Variants in FAM184B observed in about 807,000 individuals in gnomAD.
FAM184B encodes family with sequence similarity 184 member B, also known as protein FAM184B.
In FAM184B, 111 loss-of-function variants were observed where a neutral mutation model predicts 135.9. The ratio of observed to expected loss-of-function variants is 0.82; its 90% CI spans 0.70 to 0.96. The LOEUF is 0.96. Among genes scored for constraint, FAM184B ranks in the 40% least tolerant of loss-of-function variants. FAM184B has a pLI of 0.00. For synonymous variants in FAM184B, 552 were observed against 524.8 expected (o/e 1.05, Z -0.71); for missense variants, 1,375 against 1,323.9 (o/e 1.04, Z -0.60).
At position 17,781,532 on chromosome 4, in the gene FAM184B, G is replaced by A; in HGVS notation, c.-233C>T. On this transcript the variant is annotated 5_prime_UTR_variant, in exon 1 of 18. Coordinates refer to ENST00000265018, the MANE Select transcript of FAM184B (RefSeq NM_015688.2). The surrounding 1 kb of genome is among the most constrained non-coding windows in gnomAD (Gnocchi z 6.5). ...TGGTTCTCTGGCTGGCTGGCTCCGCGGGCACCCGCACCCTGCGGCGAGGCG... is the reference window on the plus strand; with the variant it reads ...TGGTTCTCTGGCTGGCTGGCTCCGCAGGCACCCGCACCCTGCGGCGAGGCG... 3 of 469,572 alleles carry A rather than the reference G, an allele frequency of 6.4e-6. No individual in the cohort carries two copies. The highest frequency in any genetic ancestry group is 1.1e-5 in the Non-Finnish European group (3 of 275,992). 29.1% of individuals were successfully genotyped at this position (469,572 alleles called of 1,614,324 possible).
chr4:17,671,294 G>A (rs1304427767), intron 7 of FAM184B, among the ~76,000 whole-genome samples: 2 of 152,148 alleles, frequency 1.3e-5, no homozygotes, highest in East Asian at 3.9e-4. Flanking sequence ...TTCTAAGGGG[G>A]ATGTCCCTAG....
chr4:17,634,560 G>A (rs1396443321), intron 16 of FAM184B, among the ~76,000 whole-genome samples: 5 of 152,172 alleles, frequency 3.3e-5, no homozygotes, highest in African/African-American at 1.2e-4. Context: ...CTGACCTCAA[G>A]TGATCCACCC....
At chr4:17,685,532 C>T (rs1347703343) in intron 7 of FAM184B, among the ~76,000 whole-genome samples, 2 of 126,266 alleles carry the variant, frequency 1.6e-5, no homozygotes, top group Admixed American at 1.9e-4. Flanking sequence ...CTGGGTGACA[C>T]TGGGTGACAA....
At position 17,658,428 on chromosome 4, in the gene FAM184B, G is replaced by A. The variant is rs2302392; in HGVS notation, c.1959C>T (p.His653=). The A allele has an allele frequency of 0.019, 28,989 of 1,551,520 alleles. 1,905 individuals are homozygous for A. In the African/African-American group the frequency reaches 0.2, roughly 11 times the overall value. Residue 653 remains histidine (H), a synonymous_variant, in exon 10 of 18, where the codon CAC becomes CAT. Transcript: ENST00000265018. ...AAGCCTCGAGCTGGGCTTTCATGGCGTGGTTCTGCTGAGTGGTCTCCTGGA... is the reference window on the plus strand; with the variant it reads ...AAGCCTCGAGCTGGGCTTTCATGGCATGGTTCTGCTGAGTGGTCTCCTGGA... ...RELQETTQQN[H]AMKAQLEASH...
At position 17,630,620 on chromosome 4, in the gene FAM184B, C is replaced by T. The variant is rs1160259819; in HGVS notation, c.*1912G>A. 5 of 152,082 alleles carry T rather than the reference C, an allele frequency of 3.3e-5. No homozygotes were observed. Among genetic ancestry groups the T allele is most frequent in the Admixed American group, 6.6e-5 (1 of 15,264 alleles). The allele number at this position is 152,082 out of a possible 1,614,324, so 9.4% of individuals were successfully genotyped here. On this transcript the variant is annotated 3_prime_UTR_variant, in exon 18 of 18. Transcript: ENST00000265018. ...CCTGAACGAACTAAGACACTCTAAGCGGGAAACTCACAAAAAATATTTGGT... is the reference window on the plus strand; with the variant it reads ...CCTGAACGAACTAAGACACTCTAAGTGGGAAACTCACAAAAAATATTTGGT...
chr4:17,648,708 T>G (rs568363274), intron 11 of FAM184B, among the ~76,000 whole-genome samples: 95 of 152,012 alleles, frequency 6.2e-4, no homozygotes, highest in Non-Finnish European at 1.1e-3. Flanking sequence ...TGGTGTGGGG[T>G]CTTGGCTGGA....
chr4:17,634,475 C>T (rs1271155809), intron 16 of FAM184B, among the ~76,000 whole-genome samples: 1 of 152,132 alleles, frequency 6.6e-6, no homozygotes, highest in African/African-American at 2.4e-5. Flanking sequence ...AGGCATCTGC[C>T]ACCAAGCCCA....
chr4:17,739,579 G>A (rs1336096770), intron 1 of FAM184B, among the ~76,000 whole-genome samples: 2 of 994 alleles, frequency 2.0e-3, no homozygotes, highest in Non-Finnish European at 9.1e-3. Context: ...TTTGAGATGG[G>A]GTTTCACTGT....
At chr4:17,749,152 T>A (rs1718240728) in intron 1 of FAM184B, among the ~76,000 whole-genome samples, 1 of 152,036 alleles carries the variant, frequency 6.6e-6, no homozygotes, top group African/African-American at 2.4e-5. Flanking sequence ...CTTATTTCTT[T>A]TTTAAAGAGT....
At chr4:17,642,743 C>G (rs1275344575) in intron 12 of FAM184B, among the ~76,000 whole-genome samples, 1 of 151,736 alleles carries the variant, frequency 6.6e-6, no homozygotes, top group Non-Finnish European at 1.5e-5. Context: ...CTCTCTTCAT[C>G]TTTCCAACCC....
chr4:17,773,670 C>T (rs896799322), intron 1 of FAM184B, among the ~76,000 whole-genome samples: 11 of 152,152 alleles, frequency 7.2e-5, no homozygotes, highest in East Asian at 1.9e-4. Context: ...CTCCGCCTCC[C>T]GGGTTCAAAC....
intron 1 of FAM184B, among the ~76,000 whole-genome samples, chr4:17,738,295 T>C (rs796723190): frequency 5.3e-5 from 8 of 152,186 alleles, no homozygotes; most frequent in African/African-American, 1.9e-4. Flanking sequence ...TGGAAAAAGC[T>C]TCCTGTTAGT....
intron 1 of FAM184B, among the ~76,000 whole-genome samples, chr4:17,721,599 C>T (rs933947161): frequency 2.0e-5 from 3 of 151,974 alleles, no homozygotes; most frequent in Non-Finnish European, 4.4e-5. Flanking sequence ...GGGGCAGAGC[C>T]GAGGTGAAGG....
chr4:17,714,762 C>A (rs1325409040), intron 1 of FAM184B, among the ~76,000 whole-genome samples: 1 of 152,038 alleles, frequency 6.6e-6, no homozygotes, highest in South Asian at 2.1e-4. Flanking sequence ...GGTGCCCACC[C>A]AAAATTAACA....
intron 5 of FAM184B, among the ~76,000 whole-genome samples, chr4:17,702,347 G>T (rs1448092283): frequency 6.6e-6 from 1 of 152,124 alleles, no homozygotes; most frequent in Non-Finnish European, 1.5e-5. Flanking sequence ...GTATGCAAAT[G>T]CTAATTATAG....
chr4:17,759,209 T>C (rs1045286209), intron 1 of FAM184B, among the ~76,000 whole-genome samples: 3 of 152,166 alleles, frequency 2.0e-5, no homozygotes, highest in East Asian at 1.9e-4. Context: ...CCCACTGAAA[T>C]TGCATGTCGA....
At chr4:17,650,216 T>G (rs956259849) in intron 11 of FAM184B, among the ~76,000 whole-genome samples, 1 of 152,192 alleles carries the variant, frequency 6.6e-6, no homozygotes, top group Middle Eastern at 3.4e-3. Flanking sequence ...ATCTAGCATG[T>G]CTAGGTCCCA....
Position 17,709,075 on chromosome 4 carries a change from C to G in FAM184B, c.711G>C (p.Gln237His), listed in dbSNP as rs1316889077. 4 of 1,550,092 alleles carry G rather than the reference C, an allele frequency of 2.6e-6. No homozygotes were observed. The highest frequency in any genetic ancestry group is 1.4e-5 in the African/African-American group (1 of 73,156). The change falls in exon 2 of 18, where the codon CAG becomes CAC. Residue 237 changes from glutamine to histidine, a missense_variant. Physicochemically the swap from Gln to His is conservative, Grantham distance 24 (BLOSUM62 0). Transcript: ENST00000265018. ...GCCACAGGGCCTGGCTCACCGACTG[C>G]TGCATGGCCTGCCGGATGGCCTCGT... is the stretch of plus-strand genomic sequence containing the variant. ...RENEAIRQAM[Q>H]QSVSQALWQW...
chr4:17,739,961 G>A (rs1242505169), intron 1 of FAM184B, among the ~76,000 whole-genome samples: 1 of 151,998 alleles, frequency 6.6e-6, no homozygotes, highest in Admixed American at 6.6e-5. Flanking sequence ...TCTGTTAAAC[G>A]TTAAACCTAA....
Sources: gnomAD v4.1 joint callset for allele counts (sites outside exome capture counted in the v4.1 genomes callset) on GRCh38, gnomAD v4.1.1 for gene constraint, Gnocchi (gnomAD v3.1) non-coding constraint, MANE v1.5 for transcripts, NCBI Gene and HGNC (gene_info 2026-07-23, HGNC 2026-07-21) for gene names.